SPMIP2: variants seen among roughly 807,000 people sequenced by gnomAD.
SPMIP2 encodes the protein protein SPMIP2.
chr4:159,066,518 A>G, the SPMIP2 span, among the ~76,000 whole-genome samples: 2 of 151,514 alleles, frequency 1.3e-5, no homozygotes, highest in South Asian at 4.2e-4. Flanking sequence ...GTGTGTGTGT[A>G]TATATGTATG....
At chr4:159,014,054 A>C in the SPMIP2 span, among the ~76,000 whole-genome samples, 1 of 152,190 alleles carries the variant, frequency 6.6e-6, no homozygotes, top group Non-Finnish European at 1.5e-5. Context: ...AATATACTTA[A>C]TGCCACAGGA....
the SPMIP2 span, among the ~76,000 whole-genome samples, chr4:158,926,764 T>G: frequency 6.6e-5 from 10 of 152,218 alleles, no homozygotes; most frequent in Non-Finnish European, 1.5e-4. Context: ...AGTGGAGCAC[T>G]TAACCACATA....
chr4:158,912,134 A>G, the SPMIP2 span, among the ~76,000 whole-genome samples: 1 of 152,228 alleles, frequency 6.6e-6, no homozygotes, highest in Non-Finnish European at 1.5e-5. Flanking sequence ...ATAGAACTTA[A>G]GAGACATTTT....
At chr4:158,900,353 AGGTCTGCT>A in the SPMIP2 span, among the ~76,000 whole-genome samples, 74 of 152,318 alleles carry the variant, frequency 4.9e-4, no homozygotes, top group African/African-American at 1.8e-3. Flanking sequence ...GATGTCTATT[AGGTCTGCT>A]TGGTCCAGAG....
the SPMIP2 span, chr4:158,895,746 G>C: frequency 6.3e-7 from 1 of 1,582,246 alleles, no homozygotes; most frequent in Non-Finnish European, 8.7e-7. Flanking sequence ...TCTTGGCTTT[G>C]CAGTGCATCA....
At chr4:159,023,499 G>T in the SPMIP2 span, among the ~76,000 whole-genome samples, 1 of 152,130 alleles carries the variant, frequency 6.6e-6, no homozygotes, top group Non-Finnish European at 1.5e-5. Flanking sequence ...GGACCCTGTA[G>T]TTACGTCACT....
chr4:158,968,060 C>T, the SPMIP2 span, among the ~76,000 whole-genome samples: 1 of 152,170 alleles, frequency 6.6e-6, no homozygotes, highest in African/African-American at 2.4e-5. Flanking sequence ...GAGAAGGTCT[C>T]ACTCTGTCAC....
the SPMIP2 span, among the ~76,000 whole-genome samples, chr4:159,079,094 G>T: frequency 6.6e-6 from 1 of 152,022 alleles, no homozygotes; most frequent in Non-Finnish European, 1.5e-5. Flanking sequence ...CTCCAACCTG[G>T]GTGACAGAGT....
chr4:158,992,649 G>C, the SPMIP2 span, among the ~76,000 whole-genome samples: 1 of 152,214 alleles, frequency 6.6e-6, no homozygotes, highest in Non-Finnish European at 1.5e-5. Flanking sequence ...TGAAGGCTGG[G>C]AGTCCAAGAT....
the SPMIP2 span, chr4:158,895,756 A>T: frequency 6.2e-7 from 1 of 1,605,594 alleles, no homozygotes; most frequent in Non-Finnish European, 8.5e-7. Flanking sequence ...GCAGTGCATC[A>T]TGCATCTTGA....
the SPMIP2 span, among the ~76,000 whole-genome samples, chr4:159,033,537 T>A: frequency 6.6e-6 from 1 of 152,178 alleles, no homozygotes. Flanking sequence ...TACAAGTGCA[T>A]AAAACAACCT....
At chr4:158,944,408 C>G in the SPMIP2 span, among the ~76,000 whole-genome samples, 1 of 152,188 alleles carries the variant, frequency 6.6e-6, no homozygotes, top group Non-Finnish European at 1.5e-5. Flanking sequence ...AGGGTCTCCT[C>G]TGCTTCTGCT....
At chr4:158,907,689 T>C in the SPMIP2 span, 1 of 152,244 alleles carries the variant, frequency 6.6e-6, no homozygotes. Context: ...TCAGCTTCTC[T>C]TGGTAAATGT....
At chr4:159,045,655 G>C in the SPMIP2 span, among the ~76,000 whole-genome samples, 1 of 152,200 alleles carries the variant, frequency 6.6e-6, no homozygotes, top group South Asian at 2.1e-4. Context: ...AACAACACTG[G>C]GGTGTTCATT....
chr4:158,895,974 A>G, the SPMIP2 span: 2 of 753,068 alleles, frequency 2.7e-6, no homozygotes, highest in Non-Finnish European at 4.6e-6. Context: ...CTGGTAACCC[A>G]TCAAAGTATG....
chr4:158,912,865 G>A, the SPMIP2 span, among the ~76,000 whole-genome samples: 1 of 152,194 alleles, frequency 6.6e-6, no homozygotes, highest in Non-Finnish European at 1.5e-5. Context: ...TGGAATGGAA[G>A]GGGTATGACC....
At chr4:158,914,918 G>A in the SPMIP2 span, among the ~76,000 whole-genome samples, 1 of 152,062 alleles carries the variant, frequency 6.6e-6, no homozygotes, top group Non-Finnish European at 1.5e-5. Flanking sequence ...TTCTCTCAAG[G>A]TTAAACCTAG....
chr4:159,037,781 TATATACACACACACACACACAC>T, the SPMIP2 span, among the ~76,000 whole-genome samples: 1 of 118,010 alleles, frequency 8.5e-6, no homozygotes, highest in Non-Finnish European at 1.7e-5. Context: ...TCAAAAACAA[TATATACACACACACACACACAC>T]ACACACACAC....
the SPMIP2 span, among the ~76,000 whole-genome samples, chr4:158,981,948 C>T: frequency 5.2e-3 from 786 of 151,798 alleles, 3 homozygotes; most frequent in African/African-American, 0.013. Flanking sequence ...GATAAAGAGT[C>T]AAGACTCATC....
Sources: allele counts gnomAD v4.1 joint callset (sites outside exome capture counted in the v4.1 genomes callset), GRCh38; gene constraint gnomAD v4.1.1; transcripts MANE v1.5; gene names NCBI Gene and HGNC (gene_info 2026-07-23, HGNC 2026-07-21).